Variants in MYEF2 observed in about 807,000 individuals in gnomAD.
MYEF2 encodes the protein myelin gene expression factor 2.
MYEF2 carries 37 observed loss-of-function variants against 75.2 expected under a neutral mutation model. That is an observed-to-expected ratio of 0.49 (90% CI 0.38 to 0.65). The LOEUF is 0.65. MYEF2 is among the 30% of genes least tolerant of loss of function. The pLI, the probability that MYEF2 is intolerant of heterozygous loss-of-function variation, is 0.00. For synonymous variants in MYEF2, 195 were observed against 241.6 expected, an observed-to-expected ratio of 0.81 and a Z score of 1.79; for missense variants, 634 against 771.4, an observed-to-expected ratio of 0.82 and a Z score of 2.11.
At chr15:48,157,594 T>C (rs2039751682) in intron 9 of MYEF2, 2 of 272,050 alleles carry the variant, frequency 7.4e-6, no homozygotes, top group Admixed American at 5.9e-5. Context: ...TATACTCTAA[T>C]GTTAAACAAA....
At chr15:48,159,558 A>T in intron 6 of MYEF2, 55 bp downstream of exon 6, 1 of 1,466,252 alleles carries the variant, frequency 6.8e-7, no homozygotes, top group Non-Finnish European at 9.4e-7. Context: ...TCATTCATTT[A>T]ATCAAATTAG....
At chr15:48,151,804 A>G in intron 12 of MYEF2, 70 bp downstream of exon 12, 1 of 1,532,518 alleles carries the variant, frequency 6.5e-7, no homozygotes, top group East Asian at 2.3e-5. Context: ...TTCCTAAGTT[A>G]TAGGGGGGAA....
intron 3 of MYEF2, 97 bp downstream of exon 3, chr15:48,167,252 A>T: frequency 3.3e-6 from 4 of 1,226,276 alleles, no homozygotes; most frequent in Non-Finnish European, 4.7e-6. Context: ...AAACAAAATG[A>T]AACTTAAGTT....
chr15:48,141,138 A>G lies in MYEF2; in HGVS notation c.*1770T>C. 1 of 1,613,666 alleles carries G rather than the reference A, an allele frequency of 6.2e-7. No homozygotes were observed. Among genetic ancestry groups the G allele is most frequent in the Non-Finnish European group, 8.5e-7 (1 of 1,179,672 alleles). On this transcript the variant is annotated 3_prime_UTR_variant, in exon 17 of 17. Transcript: ENST00000324324. ...GGGAAACACTAGAAATTCCCGATAC[A>G]GTAATGGGCCTTACTTTATTAGCAG...
At chr15:48,175,013 C>A (rs968348291) in intron 1 of MYEF2, among the ~76,000 whole-genome samples, 1 of 152,022 alleles carries the variant, frequency 6.6e-6, no homozygotes, top group South Asian at 2.1e-4. Context: ...ATCCACAATA[C>A]CCAAGATATG....
intron 10 of MYEF2, chr15:48,153,064 A>G (rs1021695586): frequency 1.3e-5 from 2 of 149,104 alleles, no homozygotes; most frequent in Admixed American, 6.6e-5. Flanking sequence ...ACAAAAAACT[A>G]AAGTGCAGAA....
Position 48,178,233 on chromosome 15 carries a change from G to T in MYEF2, c.5C>A (p.Ala2Glu), listed in dbSNP as rs1355704151. 7.2e-7 allele frequency: 1 copy of T among 1,394,966 alleles called. No individual in the cohort carries two copies. Among genetic ancestry groups the T allele is most frequent in the Non-Finnish European group, 9.3e-7 (1 of 1,079,652 alleles). 86.4% of individuals were successfully genotyped at this position (1,394,966 alleles called of 1,614,324 possible). ...GGGCACCTCGGCCTTGTTGGCGTCC[G>T]CCATCCCGCCGCCGCTGCCTCCGCC... MADANKAEVPGA... is the reference protein window; with the variant it reads MEDANKAEVPGA... The change falls in exon 1 of 17, where the codon GCG (alanine) becomes GAG (glutamate). Residue 2 changes from alanine (A) to glutamate (E), a missense_variant. Coordinates refer to ENST00000324324, the MANE Select transcript of MYEF2 (RefSeq NM_016132.5).
chr15:48,172,034 C>G (rs953700899), intron 1 of MYEF2, among the ~76,000 whole-genome samples: 1 of 152,044 alleles, frequency 6.6e-6, no homozygotes, highest in Non-Finnish European at 1.5e-5. Context: ...AGTATGAGAT[C>G]CAATATTAAT....
At position 48,135,985 on chromosome 15, in the gene MYEF2, A is replaced by AGAG. The variant is rs1331040688; in HGVS notation, c.*6920_*6922dup. The AGAG allele has an allele frequency of 6.6e-6, 1 of 152,264 alleles. No homozygotes were observed. Among genetic ancestry groups the AGAG allele is most frequent in the Middle Eastern group, 3.4e-3 (1 of 294 alleles). 9.4% of individuals were successfully genotyped at this position (152,264 alleles called of 1,614,324 possible). ...AACTGTTCTTTAAGATACAGCAGAC[A>AGAG]GAGATTCACTGGCTATAAAAGGTAA... On this transcript the variant is annotated 3_prime_UTR_variant, in exon 17 of 17. Transcript: ENST00000324324.
Position 48,165,948 on chromosome 15 carries a change from G to T in MYEF2, c.510C>A (p.Pro170=). The T allele has an allele frequency of 6.4e-7, 1 of 1,553,008 alleles. No homozygotes were observed. Among genetic ancestry groups the T allele is most frequent in the South Asian group, 1.2e-5 (1 of 84,284 alleles). Residue 170 remains proline (P), a synonymous_variant, in exon 5 of 17, where the codon CCC becomes CCA. Coordinates refer to ENST00000324324, the MANE Select transcript of MYEF2 (RefSeq NM_016132.5). The part of the protein sequence containing the change: ...TMNKYDLSGR[P]LNIKEDPDGE... ...GAAATCTTACCTCTTTAATATTAAG[G>T]GGTCTTCCACTAAGATCATATTTGT...
At chr15:48,174,278 T>C (rs2040438523) in intron 1 of MYEF2, among the ~76,000 whole-genome samples, 1 of 151,966 alleles carries the variant, frequency 6.6e-6, no homozygotes, top group African/African-American at 2.4e-5. Flanking sequence ...GAAAACTAGA[T>C]ATCCACATAC....
At chr15:48,177,837 A>G (rs2040599081) in intron 1 of MYEF2, among the ~76,000 whole-genome samples, 2 of 152,182 alleles carry the variant, frequency 1.3e-5, no homozygotes, top group Non-Finnish European at 1.5e-5. Context: ...AAATCAGGGA[A>G]GAGCGCTGGT....
intron 7 of MYEF2, 114 bp downstream of exon 7, chr15:48,158,655 C>G (rs2039803895): frequency 1.6e-6 from 2 of 1,266,990 alleles, no homozygotes; most frequent in Admixed American, 3.8e-5. Context: ...AGACTAAAGT[C>G]TAACACACAT....
intron 9 of MYEF2, among the ~76,000 whole-genome samples, chr15:48,154,328 T>C (rs1022880576): frequency 6.6e-6 from 1 of 152,144 alleles, no homozygotes; most frequent in Non-Finnish European, 1.5e-5. Flanking sequence ...CATGAAAGTA[T>C]AACACTGAAT....
At position 48,139,529 on chromosome 15, in the gene MYEF2, A is replaced by G. The variant is rs2140757840; in HGVS notation, c.*3379T>C. 1 of 160,928 alleles carries G rather than the reference A, an allele frequency of 6.2e-6. No homozygotes were observed. The highest frequency in any genetic ancestry group is 1.9e-4 in the South Asian group (1 of 5,174). The allele number at this position is 160,928 out of a possible 1,614,324, so 10.0% of individuals were successfully genotyped here. ...TGAATTCCATTCCATAATAAAAAAA[A>G]AAAAGAACAAAAAAACAAAAACAAA... On this transcript the variant is annotated 3_prime_UTR_variant, in exon 17 of 17. Transcript: ENST00000324324.
Position 48,139,863 on chromosome 15 carries a change from A to T in MYEF2, c.*3045T>A, listed in dbSNP as rs867586834. 3.3e-5 allele frequency: 5 copies of T among 152,122 alleles called. No homozygotes were observed. The highest frequency in any genetic ancestry group is 2.0e-4 in the Admixed American group (3 of 15,272). The allele number at this position is 152,122 out of a possible 1,614,324, so 9.4% of individuals were successfully genotyped here. ...TGAACAAACTACTGCCTGTGTGCCAACATAACCCAGCTTGTTTTTATTAGT... is the reference window on the plus strand; with the variant it reads ...TGAACAAACTACTGCCTGTGTGCCATCATAACCCAGCTTGTTTTTATTAGT... On this transcript the variant is annotated 3_prime_UTR_variant, in exon 17 of 17. Coordinates refer to ENST00000324324, the MANE Select transcript of MYEF2 (RefSeq NM_016132.5).
intron 8 of MYEF2, 53 bp from the exon 9 acceptor site, chr15:48,158,109 A>T: frequency 6.2e-7 from 1 of 1,611,166 alleles, no homozygotes; most frequent in South Asian, 1.1e-5. Flanking sequence ...AAAGAACTGT[A>T]ATGTAGAAGA....
chr15:48,156,780 A>G (rs529540127), intron 9 of MYEF2, among the ~76,000 whole-genome samples: 3 of 148,868 alleles, frequency 2.0e-5, no homozygotes, highest in African/African-American at 7.4e-5. Flanking sequence ...AAAACAATTT[A>G]AAAAAAAAAG....
At position 48,168,611 on chromosome 15, in the gene MYEF2, G is replaced by A. The variant is rs776986529; in HGVS notation, c.370+20C>T. ...CTATATGAAGATTATCCAACAGTGG[G>A]TTATTTCAGAGATAGTTACCTTTCT... On this transcript the variant is annotated intron_variant, in intron 2 of 16. Coordinates refer to ENST00000324324, the MANE Select transcript of MYEF2 (RefSeq NM_016132.5). 34 of 1,587,558 alleles carry A rather than the reference G, an allele frequency of 2.1e-5. No homozygotes were observed. The highest frequency in any genetic ancestry group is 2.9e-5 in the Non-Finnish European group (33 of 1,157,208).
Sources: allele counts gnomAD v4.1 joint callset (sites outside exome capture counted in the v4.1 genomes callset), GRCh38; gene constraint gnomAD v4.1.1; transcripts MANE v1.5; gene names NCBI Gene and HGNC (gene_info 2026-07-23, HGNC 2026-07-21).